PTPRT: variants seen among roughly 807,000 people sequenced by gnomAD.
PTPRT encodes the protein receptor-type tyrosine-protein phosphatase T.
PTPRT carries 56 observed loss-of-function variants against 176.8 expected under a neutral mutation model. That is an observed-to-expected ratio of 0.32 (90% CI 0.26 to 0.40). The LOEUF is 0.40. Among genes scored for constraint, PTPRT ranks in the 10% least tolerant of loss-of-function variants. The probability of loss-of-function intolerance (pLI) is 1.00; values close to 1 mark genes in which losing one functional copy is unlikely to be tolerated. For missense variants in PTPRT, 1,540 were observed against 1,908.2 expected (o/e 0.81, Z 3.60); for synonymous variants, 783 against 739.0 (o/e 1.06, Z -0.96).
intron 16 of PTPRT, among the ~76,000 whole-genome samples, chr20:42,186,083 A>G (rs190637720): frequency 1.3e-5 from 2 of 152,234 alleles, no homozygotes; most frequent in Admixed American, 1.3e-4. Context: ...TCAGGAAAGG[A>G]AGAAATGTAA....
chr20:42,184,597 C>CTTCTTCTTCTTCTTCCT (rs1990685783), intron 16 of PTPRT, among the ~76,000 whole-genome samples: 1 of 144,490 alleles, frequency 6.9e-6, no homozygotes, highest in East Asian at 2.0e-4. Context: ...TCTTCTTCCT[C>CTTCTTCTTCTTCTTCCT]TTCTTCTTCT....
At chr20:43,011,167 C>G (rs1274192147) in intron 1 of PTPRT, among the ~76,000 whole-genome samples, 4 of 152,164 alleles carry the variant, frequency 2.6e-5, no homozygotes, top group South Asian at 2.1e-4. Context: ...ATTGAATGAG[C>G]CTATGTTCCC....
At chr20:42,235,325 C>T (rs529020608) in intron 15 of PTPRT, among the ~76,000 whole-genome samples, 16 of 151,980 alleles carry the variant, frequency 1.1e-4, no homozygotes, top group East Asian at 5.8e-4. Context: ...CGCAATGGTA[C>T]GATTTTGGCT....
Position 42,572,505 on chromosome 20 carries a change from C to A in PTPRT, c.1154-99943G>T, listed in dbSNP as rs535803459. Among the ~76,000 whole-genome samples, 3 of 152,186 alleles carry A rather than the reference C, an allele frequency of 2.0e-5. No homozygotes were observed. In the South Asian group the frequency reaches 6.2e-4, roughly 32 times the overall value. ...ATTTACTCCAGGGCCCTGGCACATG[C>A]CTGGAATGCTCTCCTCACATTCTTG... On this transcript the variant is annotated intron_variant, in intron 7 of 30. Transcript: ENST00000373187.
intron 2 of PTPRT, among the ~76,000 whole-genome samples, chr20:42,873,451 T>C (rs1300197915): frequency 6.6e-6 from 1 of 152,136 alleles, no homozygotes; most frequent in Non-Finnish European, 1.5e-5. Context: ...TCCCTGTTGG[T>C]GGGAATACAA....
At chr20:42,510,861 C>T (rs1317321910) in intron 7 of PTPRT, among the ~76,000 whole-genome samples, 1 of 152,202 alleles carries the variant, frequency 6.6e-6, no homozygotes, top group African/African-American at 2.4e-5. Flanking sequence ...AAAGGCCTTG[C>T]CTGTTGCTAT....
At chr20:42,196,466 T>C (rs1360704545) in intron 16 of PTPRT, among the ~76,000 whole-genome samples, 1 of 152,238 alleles carries the variant, frequency 6.6e-6, no homozygotes. Flanking sequence ...TTCCTTTGTG[T>C]TAGAAACATT....
At chr20:42,869,459 G>A (rs996101026) in intron 2 of PTPRT, among the ~76,000 whole-genome samples, 1 of 152,204 alleles carries the variant, frequency 6.6e-6, no homozygotes, top group Non-Finnish European at 1.5e-5. Context: ...GAGATTTAAT[G>A]CTGTTTGTCT....
chr20:42,395,825 C>T (rs1048572163), intron 9 of PTPRT, among the ~76,000 whole-genome samples: 21 of 152,046 alleles, frequency 1.4e-4, no homozygotes, highest in African/African-American at 4.6e-4. Flanking sequence ...CATTTTTCTT[C>T]TTACTTCATT....
At chr20:42,044,919 C>A in the PTPRT span, among the ~76,000 whole-genome samples, 20 of 152,222 alleles carry the variant, frequency 1.3e-4, no homozygotes, top group East Asian at 3.9e-3. Context: ...GGCCTTTTTC[C>A]CACTTCTAAA....
intron 7 of PTPRT, among the ~76,000 whole-genome samples, chr20:42,631,401 C>T (rs1407721391): frequency 6.6e-6 from 1 of 152,156 alleles, no homozygotes; most frequent in Non-Finnish European, 1.5e-5. Context: ...CATGAAAATA[C>T]TCAATTCAGC....
chr20:42,277,480 G>A (rs1280796592), intron 13 of PTPRT, among the ~76,000 whole-genome samples: 1 of 152,222 alleles, frequency 6.6e-6, no homozygotes, highest in Non-Finnish European at 1.5e-5. Context: ...ATGGAAAGAA[G>A]CAAGCATGCA....
At chr20:42,160,617 G>A (rs958672188) in intron 17 of PTPRT, among the ~76,000 whole-genome samples, 1 of 152,152 alleles carries the variant, frequency 6.6e-6, no homozygotes, top group East Asian at 1.9e-4. Flanking sequence ...ACCTTAGAAG[G>A]CCTTACCAGC....
At chr20:42,498,328 C>A (rs1005688040) in intron 7 of PTPRT, among the ~76,000 whole-genome samples, 1 of 152,108 alleles carries the variant, frequency 6.6e-6, no homozygotes, top group African/African-American at 2.4e-5. Context: ...GGACATGTCT[C>A]ATTACACCCT....
intron 2 of PTPRT, among the ~76,000 whole-genome samples, chr20:42,862,735 T>C (rs1568643210): frequency 6.6e-6 from 1 of 152,178 alleles, no homozygotes; most frequent in Non-Finnish European, 1.5e-5. Flanking sequence ...TTTATTTTTC[T>C]CGTCAAGACT....
chr20:42,605,942 G>A (rs2073868767), intron 7 of PTPRT, among the ~76,000 whole-genome samples: 1 of 152,220 alleles, frequency 6.6e-6, no homozygotes, highest in African/African-American at 2.4e-5. Flanking sequence ...TCCTTCATGA[G>A]CCTGATGGAG....
intron 1 of PTPRT, among the ~76,000 whole-genome samples, chr20:42,998,953 C>A (rs1056033008): frequency 6.6e-6 from 1 of 152,186 alleles, no homozygotes; most frequent in African/African-American, 2.4e-5. Flanking sequence ...ATGCTACAGC[C>A]ACCCACTACT....
intron 7 of PTPRT, among the ~76,000 whole-genome samples, chr20:42,512,889 C>T (rs907512104): frequency 2.0e-5 from 3 of 152,022 alleles, no homozygotes; most frequent in East Asian, 1.9e-4. Flanking sequence ...GACAGAGTTT[C>T]GCTCTTGTTG....
At chr20:42,503,252 G>A (rs2205938) in intron 7 of PTPRT, among the ~76,000 whole-genome samples, 1,904 of 151,466 alleles carry the variant, frequency 0.013, 16 homozygotes, top group Non-Finnish European at 0.019. Context: ...CTTTTTTACC[G>A]TAATATGATT....
Sources: gnomAD v4.1 joint callset for allele counts (sites outside exome capture counted in the v4.1 genomes callset) on GRCh38, gnomAD v4.1.1 for gene constraint, MANE v1.5 for transcripts, NCBI Gene and HGNC (gene_info 2026-07-23, HGNC 2026-07-21) for gene names.